Variants in CLASP1 observed in about 807,000 individuals in gnomAD.
The protein encoded by CLASP1 is CLIP-associating protein 1.
A neutral mutation model predicts 192.3 loss-of-function variants in CLASP1; 38 were observed. The observed-to-expected ratio is 0.20, with a 90% CI of 0.15 to 0.26. The LOEUF is 0.26. CLASP1 is among the 10% of genes least tolerant of loss of function. The pLI, the probability that CLASP1 is intolerant of heterozygous loss-of-function variation, is 1.00. For missense variants in CLASP1, 1,433 were observed against 1,932.5 expected, an observed-to-expected ratio of 0.74 and a Z score of 4.85; for synonymous variants, 691 against 712.8, an observed-to-expected ratio of 0.97 and a Z score of 0.49.
intron 8 of CLASP1, among the ~76,000 whole-genome samples, chr2:121,486,090 T>C (rs933789254): frequency 2.6e-5 from 4 of 151,954 alleles, no homozygotes; most frequent in South Asian, 2.1e-4. Context: ...ACGGGCAAGG[T>C]AGGAATGGCA....
intron 2 of CLASP1, among the ~76,000 whole-genome samples, chr2:121,540,337 T>C (rs1186853096): frequency 1.3e-5 from 2 of 152,202 alleles, no homozygotes; most frequent in Admixed American, 6.5e-5. Flanking sequence ...CACATTTCTA[T>C]GAAGTTCAAA....
intron 35 of CLASP1, among the ~76,000 whole-genome samples, chr2:121,367,219 C>A (rs1259433045): frequency 1.3e-5 from 2 of 152,192 alleles, no homozygotes; most frequent in East Asian, 1.9e-4. Flanking sequence ...AAAGGCTGAG[C>A]CCGCGCTCGC....
At chr2:121,629,807 G>C (rs2069141697) in intron 1 of CLASP1, among the ~76,000 whole-genome samples, 1 of 151,758 alleles carries the variant, frequency 6.6e-6, no homozygotes, top group South Asian at 2.1e-4. Flanking sequence ...AAATAAAAAA[G>C]CAAACTAGAA....
chr2:121,399,575 C>T (rs2075835513), intron 28 of CLASP1, among the ~76,000 whole-genome samples: 1 of 152,170 alleles, frequency 6.6e-6, no homozygotes, highest in African/African-American at 2.4e-5. Context: ...ATCACTAAAA[C>T]CTCCTATTAG....
At chr2:121,586,984 T>C (rs982506832) in intron 2 of CLASP1, among the ~76,000 whole-genome samples, 3 of 152,198 alleles carry the variant, frequency 2.0e-5, no homozygotes, top group Non-Finnish European at 4.4e-5. Context: ...GGCTCACACC[T>C]GTAATCCCAA....
intron 30 of CLASP1, among the ~76,000 whole-genome samples, chr2:121,392,303 C>CTA (rs936434086): frequency 6.6e-6 from 1 of 152,152 alleles, no homozygotes; most frequent in African/African-American, 2.4e-5. Flanking sequence ...ACCTGGCTTC[C>CTA]TAAATCTTAG....
At chr2:121,392,177 C>G (rs563842841) in intron 30 of CLASP1, among the ~76,000 whole-genome samples, 2 of 152,270 alleles carry the variant, frequency 1.3e-5, no homozygotes, top group Admixed American at 6.5e-5. Context: ...AAATCTGTTG[C>G]TTCATTTGAC....
intron 8 of CLASP1, among the ~76,000 whole-genome samples, chr2:121,497,052 G>C (rs941743370): frequency 6.7e-6 from 1 of 150,222 alleles, no homozygotes; most frequent in African/African-American, 2.5e-5. Flanking sequence ...GATTAGACTG[G>C]TAGTTACCAA....
At chr2:121,582,333 G>A (rs2061278621) in intron 2 of CLASP1, among the ~76,000 whole-genome samples, 1 of 149,850 alleles carries the variant, frequency 6.7e-6, no homozygotes, top group African/African-American at 2.5e-5. Context: ...AAGGGAGAGA[G>A]AGAGAAAGAG....
At chr2:121,367,616 G>A (rs757668989) in exon 35 of CLASP1, 19 of 1,613,880 alleles carry the variant, frequency 1.2e-5, no homozygotes, top group African/African-American at 2.7e-5. Context: ...TGTCGTCATC[G>A]AACACAGCCT....
chr2:121,354,126 G>A (rs960511317), intron 37 of CLASP1, among the ~76,000 whole-genome samples: 4 of 152,274 alleles, frequency 2.6e-5, no homozygotes, highest in Non-Finnish European at 5.9e-5. Context: ...CACATCTGGA[G>A]CATGCCACAT....
chr2:121,553,035 T>C (rs2058187678), intron 2 of CLASP1, among the ~76,000 whole-genome samples: 1 of 152,256 alleles, frequency 6.6e-6, no homozygotes, highest in South Asian at 2.1e-4. Context: ...ATCACATCTT[T>C]TGTGGGAACA....
intron 1 of CLASP1, among the ~76,000 whole-genome samples, chr2:121,626,670 G>A (rs548745542): frequency 1.6e-4 from 24 of 151,942 alleles, no homozygotes; most frequent in East Asian, 5.8e-4. Flanking sequence ...AGTGATTCTC[G>A]CACTTTGGCA....
chr2:121,508,818 C>T (rs954041370), intron 7 of CLASP1, among the ~76,000 whole-genome samples: 2 of 152,118 alleles, frequency 1.3e-5, no homozygotes, highest in African/African-American at 4.8e-5. Flanking sequence ...GCAAACAGTA[C>T]ACAAAAGAGA....
chr2:121,517,889 T>G (rs1381334404), intron 6 of CLASP1, among the ~76,000 whole-genome samples: 1 of 123,124 alleles, frequency 8.1e-6, no homozygotes, highest in Non-Finnish European at 1.8e-5. Context: ...TTTTTTTTTT[T>G]TTAGAAAAAG....
In CLASP1 at chr2:121,508,732, C is replaced by T. The variant is rs146909635; in HGVS notation, c.645-5498G>A. Among the ~76,000 whole-genome samples the T allele has an allele frequency of 2.0e-3, 311 of 152,276 alleles. 1 individual carries two copies. Among genetic ancestry groups the T allele is most frequent in the African/African-American group, 6.0e-3 (248 of 41,568 alleles). On this transcript the variant is annotated intron_variant, in intron 7 of 39. Transcript: ENST00000263710. ...CTGGAACTGGGGGTACATGCCACCA[C>T]ACCCAGTCTAAGAGACACTTAAGAT...
At chr2:121,631,230 G>A (rs2069582248) in intron 1 of CLASP1, among the ~76,000 whole-genome samples, 1 of 141,550 alleles carries the variant, frequency 7.1e-6, no homozygotes, top group Non-Finnish European at 1.5e-5. Context: ...CTGAACTATA[G>A]TCATATTTTA....
intron 2 of CLASP1, among the ~76,000 whole-genome samples, chr2:121,536,377 TG>T (rs2095077342): frequency 9.7e-5 from 6 of 62,076 alleles, no homozygotes; most frequent in African/African-American, 9.4e-4. Flanking sequence ...CAAGACTGTC[TG>T]AAAAAAAAAA....
intron 30 of CLASP1, among the ~76,000 whole-genome samples, chr2:121,393,425 T>C (rs2074716875): frequency 6.6e-6 from 1 of 152,234 alleles, no homozygotes; most frequent in African/African-American, 2.4e-5. Context: ...ATGTATTTTA[T>C]GTTTAGTGTG....
Sources: allele counts gnomAD v4.1 joint callset (sites outside exome capture counted in the v4.1 genomes callset), GRCh38; gene constraint gnomAD v4.1.1; transcripts MANE v1.5; gene names NCBI Gene and HGNC (gene_info 2026-07-23, HGNC 2026-07-21).